Variants in BTC observed in about 807,000 individuals in gnomAD.
The protein encoded by BTC is probetacellulin.
In BTC, 13 loss-of-function variants were observed where a neutral mutation model predicts 18.1. The observed-to-expected ratio is 0.72, with a 90% CI of 0.47 to 1.14. BTC has a LOEUF of 1.14. Ranked by LOEUF, BTC falls within the 50% of genes most tolerant of loss-of-function variation. The pLI, the probability that BTC is intolerant of heterozygous loss-of-function variation, is 0.00. For missense variants in BTC, 247 were observed against 224.2 expected (o/e 1.10, Z -0.65); for synonymous variants, 83 against 79.4 (o/e 1.05, Z -0.24).
At chr4:74,786,186 C>T (rs558359898) in intron 1 of BTC, among the ~76,000 whole-genome samples, 38 of 152,254 alleles carry the variant, frequency 2.5e-4, no homozygotes, top group African/African-American at 8.2e-4. Context: ...GGAAGGTGAT[C>T]GTGAACAAGT....
Position 74,775,919 on chromosome 4 carries a change from C to T in BTC, c.65-5763G>A, listed in dbSNP as rs79356348. The stretch of plus-strand genomic sequence containing the variant: ...GGTATCATCAAGACCCCTCATAAGC[C>T]TTGTCGTCCTGTCCTAAATGCAAAG... On this transcript the variant is annotated intron_variant, in intron 1 of 5. Transcript: ENST00000395743. Among the ~76,000 whole-genome samples the T allele has an allele frequency of 3.9e-3, 601 of 152,254 alleles. 6 individuals are homozygous for T. The highest frequency in any genetic ancestry group is 0.014 in the African/African-American group (571 of 41,546).
intron 1 of BTC, among the ~76,000 whole-genome samples, chr4:74,773,563 C>T (rs1250655908): frequency 6.6e-6 from 1 of 151,856 alleles, no homozygotes; most frequent in Admixed American, 6.6e-5. Flanking sequence ...ATAACAGACA[C>T]AGGTATTATC....
At chr4:74,748,553 G>T (rs562059320) in intron 4 of BTC, among the ~76,000 whole-genome samples, 12 of 152,150 alleles carry the variant, frequency 7.9e-5, no homozygotes, top group African/African-American at 2.7e-4. Flanking sequence ...AAAAATTAGG[G>T]TTCTCTCTTA....
chr4:74,784,225 C>T (rs1577969478), intron 1 of BTC, among the ~76,000 whole-genome samples: 1 of 139,238 alleles, frequency 7.2e-6, no homozygotes, highest in Admixed American at 7.1e-5. Flanking sequence ...GAGAGAGATT[C>T]TCTCTCGAAA....
chr4:74,789,743 A>G (rs1725572214), intron 1 of BTC, among the ~76,000 whole-genome samples: 1 of 152,240 alleles, frequency 6.6e-6, no homozygotes, highest in Admixed American at 6.5e-5. Flanking sequence ...TTATTCTAAA[A>G]TGACAGTTTT....
rs72659197 is a variant in BTC at position 74,745,192 on chromosome 4, A to G, written c.*1485T>C. On this transcript the variant is annotated 3_prime_UTR_variant, in exon 6 of 6. Transcript: ENST00000395743. ...GTATGACCATTAAATCAGGAGAAAA[A>G]ATAGATTTTGAAAATTATCAGTTGT... The G allele has an allele frequency of 6.6e-6, 1 of 152,060 alleles. No homozygotes were observed. Among genetic ancestry groups the G allele is most frequent in the Admixed American group, 6.5e-5 (1 of 15,268 alleles). 9.4% of individuals were successfully genotyped at this position (152,060 alleles called of 1,614,324 possible).
intron 3 of BTC, among the ~76,000 whole-genome samples, chr4:74,753,317 C>T (rs1317326653): frequency 6.6e-6 from 1 of 152,100 alleles, no homozygotes; most frequent in Non-Finnish European, 1.5e-5. Flanking sequence ...CTTATTACCA[C>T]CTTTGAGGTA....
chr4:74,749,606 T>C (rs371653256), intron 4 of BTC, among the ~76,000 whole-genome samples: 2 of 151,082 alleles, frequency 1.3e-5, no homozygotes, highest in African/African-American at 4.9e-5. Flanking sequence ...TGGACCACAG[T>C]GAAGGGTAGA....
At chr4:74,783,938 A>T (rs2109916095) in intron 1 of BTC, among the ~76,000 whole-genome samples, 1 of 152,108 alleles carries the variant, frequency 6.6e-6, no homozygotes, top group East Asian at 1.9e-4. Flanking sequence ...GGTGTATAAG[A>T]ATGCTAGGGA....
At chr4:74,781,400 T>TGTGCGCGC (rs1553959008) in intron 1 of BTC, among the ~76,000 whole-genome samples, 6 of 151,890 alleles carry the variant, frequency 4.0e-5, no homozygotes, top group African/African-American at 1.5e-4. Context: ...TGTGTGTGTG[T>TGTGCGCGC]GTGTGTGTGT....
chr4:74,759,517 A>G (rs1295376186), intron 2 of BTC, among the ~76,000 whole-genome samples: 4 of 152,188 alleles, frequency 2.6e-5, no homozygotes, highest in African/African-American at 7.2e-5. Flanking sequence ...ATATATACCA[A>G]TTTCTTCACA....
At chr4:74,759,261 C>T (rs535420337) in intron 2 of BTC, among the ~76,000 whole-genome samples, 1 of 150,660 alleles carries the variant, frequency 6.6e-6, no homozygotes, top group African/African-American at 2.5e-5. Context: ...TCCTAAGTGT[C>T]GTATTTCTCT....
chr4:74,765,751 T>C (rs770135267), intron 2 of BTC, among the ~76,000 whole-genome samples: 1 of 152,162 alleles, frequency 6.6e-6, no homozygotes, highest in Non-Finnish European at 1.5e-5. Context: ...AAAATTACTT[T>C]TCACGCACAA....
In BTC at chr4:74,757,690, G is replaced by A. The variant is rs536299375; in HGVS notation, c.164-1714C>T. Among the ~76,000 whole-genome samples the A allele has an allele frequency of 1.4e-3, 210 of 152,144 alleles. 2 individuals carry two copies. Among genetic ancestry groups the A allele is most frequent in the South Asian group, 8.3e-3 (40 of 4,818 alleles). On this transcript the variant is annotated intron_variant, in intron 2 of 5. Transcript: ENST00000395743. Reference sequence around the variant, plus strand: ...AAAAAACAAGAATAAACAATTAACCGGTAAAAACAACCATCATAACCAGAT... The same window carrying A: ...AAAAAACAAGAATAAACAATTAACCAGTAAAAACAACCATCATAACCAGAT...
At chr4:74,778,846 T>C (rs1323255208) in intron 1 of BTC, among the ~76,000 whole-genome samples, 2 of 152,148 alleles carry the variant, frequency 1.3e-5, no homozygotes, top group Non-Finnish European at 2.9e-5. Context: ...GAAAGACTCT[T>C]AGGAGGTGCA....
chr4:74,751,312 G>A (rs1457915592), intron 3 of BTC, among the ~76,000 whole-genome samples: 1 of 152,012 alleles, frequency 6.6e-6, no homozygotes, highest in African/African-American at 2.4e-5. Flanking sequence ...TAGTTCTACT[G>A]CTTGAGGGCA....
chr4:74,772,850 A>G (rs1286988463), intron 1 of BTC, among the ~76,000 whole-genome samples: 1 of 152,208 alleles, frequency 6.6e-6, no homozygotes, highest in African/African-American at 2.4e-5. Context: ...TTATTCTCCA[A>G]TTCTGCTCAC....
At chr4:74,767,781 A>C (rs961078582) in intron 2 of BTC, among the ~76,000 whole-genome samples, 1 of 152,124 alleles carries the variant, frequency 6.6e-6, no homozygotes, top group Non-Finnish European at 1.5e-5. Context: ...AACAATACGC[A>C]ATGAGGAAAG....
intron 1 of BTC, among the ~76,000 whole-genome samples, chr4:74,771,371 A>G (rs989002635): frequency 9.2e-5 from 14 of 152,224 alleles, no homozygotes; most frequent in Admixed American, 1.3e-4. Flanking sequence ...TTGTATTGAA[A>G]TTTATACATC....
Sources: allele counts gnomAD v4.1 joint callset (sites outside exome capture counted in the v4.1 genomes callset), GRCh38; gene constraint gnomAD v4.1.1; transcripts MANE v1.5; gene names NCBI Gene and HGNC (gene_info 2026-07-23, HGNC 2026-07-21).